ARG2: variants seen among roughly 807,000 people sequenced by gnomAD.
The protein encoded by ARG2 is arginase-2, mitochondrial.
In ARG2, 21 loss-of-function variants were observed where a neutral mutation model predicts 39.4. The ratio of observed to expected loss-of-function variants is 0.53; its 90% confidence interval spans 0.38 to 0.77. ARG2 has a LOEUF of 0.77. ARG2 is among the 30% of genes least tolerant of loss of function. The pLI is 0.00. For missense variants in ARG2, 378 were observed against 426.2 expected, an observed-to-expected ratio of 0.89 and a Z score of 1.00; for synonymous variants, 150 against 156.7, an observed-to-expected ratio of 0.96 and a Z score of 0.32.
At chr14:67,643,526 T>C (rs1021099337) in intron 3 of ARG2, among the ~76,000 whole-genome samples, 1 of 152,152 alleles carries the variant, frequency 6.6e-6, no homozygotes, top group African/African-American at 2.4e-5. Context: ...GGGACAGATA[T>C]ATAAGAACTT....
chr14:67,621,439 T>C (rs2036809643), intron 2 of ARG2, among the ~76,000 whole-genome samples: 1 of 152,076 alleles, frequency 6.6e-6, no homozygotes, highest in Non-Finnish European at 1.5e-5. Flanking sequence ...GGCTTAGATC[T>C]ATATTTTCCG....
At chr14:67,629,375 T>C (rs2036896677) in intron 2 of ARG2, among the ~76,000 whole-genome samples, 1 of 152,184 alleles carries the variant, frequency 6.6e-6, no homozygotes, top group African/African-American at 2.4e-5. Context: ...ACCTGACATA[T>C]GCTGCAATAT....
chr14:67,647,041 T>G lies in ARG2; in HGVS notation c.722+16T>G, dbSNP rs781163951. The G allele has an allele frequency of 1.3e-6, 2 of 1,546,378 alleles. No individual in the cohort carries two copies. The highest frequency in any genetic ancestry group is 2.2e-5 in the South Asian group (2 of 89,648). On this transcript the variant is annotated intron_variant, in intron 6 of 7. Transcript: ENST00000261783. ...TGATTGGCAAGTAAGTAACTATAAC[T>G]GATGTCAGGGCAAACCCCCAATGGG...
In ARG2 at chr14:67,651,527, C is replaced by T. The variant is rs748344515; in HGVS notation, c.*607C>T. The T allele has an allele frequency of 4.4e-6, 7 of 1,602,970 alleles. No homozygotes were observed. Among genetic ancestry groups the T allele is most frequent in the African/African-American group, 1.3e-5 (1 of 74,596 alleles). ...GGGAGTAGTCAGAAGTTTGGATAACCTTCCTTCTAAACATTTTGGGGTTAG... is the reference window on the plus strand; with the variant it reads ...GGGAGTAGTCAGAAGTTTGGATAACTTTCCTTCTAAACATTTTGGGGTTAG... On this transcript the variant is annotated 3_prime_UTR_variant, in exon 8 of 8. Coordinates refer to ENST00000261783, the MANE Select transcript of ARG2 (RefSeq NM_001172.4).
chr14:67,622,251 T>C (rs1021943284), intron 2 of ARG2, among the ~76,000 whole-genome samples: 8 of 152,256 alleles, frequency 5.3e-5, no homozygotes, highest in African/African-American at 1.9e-4. Context: ...ACGGAGATTA[T>C]GGAGATAATA....
In ARG2 at chr14:67,630,924, C is replaced by T. The variant is rs569173350; in HGVS notation, c.184+9958C>T. On this transcript the variant is annotated intron_variant, in intron 2 of 7. Transcript: ENST00000261783. ...TGTAGTCTTTTCTAAGAGGTTAATG[C>T]TCCCAGCTAAAAACCTTTTCTTTCC... is the stretch of plus-strand genomic sequence containing the variant. Among the ~76,000 whole-genome samples, 15 of 152,274 alleles carry T rather than the reference C, an allele frequency of 9.9e-5. No homozygotes were observed. The South Asian group carries it at 3.1e-3, about 32-fold the overall frequency.
intron 3 of ARG2, among the ~76,000 whole-genome samples, chr14:67,642,968 C>T (rs988031495): frequency 6.6e-6 from 1 of 151,736 alleles, no homozygotes; most frequent in African/African-American, 2.4e-5. Flanking sequence ...ATGCCTGGCT[C>T]ATTTTTGTAT....
intron 2 of ARG2, among the ~76,000 whole-genome samples, chr14:67,625,156 T>G (rs79822593): frequency 6.7e-6 from 1 of 150,140 alleles, no homozygotes; most frequent in Admixed American, 6.7e-5. Flanking sequence ...GATATCCACA[T>G]TAAAAAAAAA....
intron 7 of ARG2, 118 bp from the exon 8 acceptor site, chr14:67,650,597 C>A: frequency 1.1e-6 from 1 of 871,564 alleles, no homozygotes; most frequent in South Asian, 1.5e-5. Context: ...TAGGTATTTT[C>A]TACTATAAAA....
In ARG2 at chr14:67,631,986, C is replaced by T. The variant is rs111839830; in HGVS notation, c.185-10200C>T. Among the ~76,000 whole-genome samples the T allele has an allele frequency of 1.1e-3, 175 of 152,224 alleles. 2 individuals are homozygous for T. Among genetic ancestry groups the T allele is most frequent in the African/African-American group, 4.1e-3 (169 of 41,542 alleles). On this transcript the variant is annotated intron_variant, in intron 2 of 7. Transcript: ENST00000261783. ...ACCTCATGGGCTCAAGTGATTCTTC[C>T]ACCTCAGTGTCCCAAGTAGCTTGGA...
chr14:67,646,380 A>G (rs896855426), intron 4 of ARG2: 1 of 447,862 alleles, frequency 2.2e-6, no homozygotes, highest in Non-Finnish European at 4.0e-6. Context: ...TATTCCTGCT[A>G]CTAGGTAAGT....
chr14:67,648,284 A>G (rs3742879), intron 7 of ARG2, 101 bp downstream of exon 7: 365,652 of 1,362,416 alleles, frequency 0.27, 55,030 homozygotes, highest in Non-Finnish European at 0.31. Flanking sequence ...ATCATTGCAG[A>G]GTTTGTTTTT....
At chr14:67,638,971 T>C (rs1415777924) in intron 2 of ARG2, among the ~76,000 whole-genome samples, 3 of 152,278 alleles carry the variant, frequency 2.0e-5, no homozygotes, top group East Asian at 3.9e-4. Flanking sequence ...TCGGAGTAAA[T>C]GGAGTTGGAC....
intron 2 of ARG2, among the ~76,000 whole-genome samples, chr14:67,636,300 C>T (rs555214824): frequency 9.2e-5 from 14 of 152,164 alleles, no homozygotes; most frequent in Non-Finnish European, 1.9e-4. Flanking sequence ...CAAAACCTTA[C>T]TCATCATGTA....
Position 67,619,932 on chromosome 14 carries a change from C to T in ARG2, c.-46C>T. ...GGCGGTGGCGCTCACTCCCGGCTTC[C>T]AACCGCGCGGAGCCTCTGCCTTGGA... On this transcript the variant is annotated 5_prime_UTR_variant, in exon 1 of 8. Coordinates refer to ENST00000261783, the MANE Select transcript of ARG2 (RefSeq NM_001172.4). 1 of 1,363,444 alleles carries T rather than the reference C, an allele frequency of 7.3e-7. No individual in the cohort carries two copies. Among genetic ancestry groups the T allele is most frequent in the Non-Finnish European group, 9.9e-7 (1 of 1,015,110 alleles). The allele number at this position is 1,363,444 out of a possible 1,614,324, so 84.5% of individuals were successfully genotyped here.
rs758192870 is a variant in ARG2, at chr14:67,642,222, C to T, written c.221C>T (p.Thr74Ile). 1.2e-6 allele frequency: 2 copies of T among 1,614,012 alleles called. No individual in the cohort carries two copies. Among genetic ancestry groups the T allele is most frequent in the African/African-American group, 1.3e-5 (1 of 74,912 alleles). ...HLKDFGDLSF[T>I]PVPKDDLYNN... ...AAAGACTTTGGAGATTTGAGTTTTA[C>T]TCCAGTCCCCAAAGATGATCTCTAC... is the stretch of plus-strand genomic sequence containing the variant. Residue 74 changes from threonine to isoleucine, a missense_variant, in exon 3 of 8, where the codon ACT (threonine) becomes ATT (isoleucine). By Grantham distance (89) the Thr-to-Ile change is moderately conservative. Transcript: ENST00000261783.
At chr14:67,632,546 C>A (rs2036928456) in intron 2 of ARG2, among the ~76,000 whole-genome samples, 1 of 152,062 alleles carries the variant, frequency 6.6e-6, no homozygotes, top group South Asian at 2.1e-4. Context: ...AAGGTGCCCA[C>A]CATTTGTACC....
intron 2 of ARG2, among the ~76,000 whole-genome samples, chr14:67,626,089 C>T (rs936290894): frequency 6.6e-6 from 1 of 151,966 alleles, no homozygotes; most frequent in Non-Finnish European, 1.5e-5. Flanking sequence ...TCCGTCTCTA[C>T]TAAAAAATAC....
intron 2 of ARG2, among the ~76,000 whole-genome samples, chr14:67,634,212 C>T (rs543917004): frequency 7.6e-4 from 116 of 152,298 alleles, no homozygotes; most frequent in African/African-American, 2.7e-3. Context: ...TGATCTGCTA[C>T]TTAGAAGCCA....
Sources: allele counts gnomAD v4.1 joint callset (sites outside exome capture counted in the v4.1 genomes callset), GRCh38; gene constraint gnomAD v4.1.1; transcripts MANE v1.5; gene names NCBI Gene and HGNC (gene_info 2026-07-23, HGNC 2026-07-21).